RAD51B: variants seen among roughly 807,000 people sequenced by gnomAD.
RAD51B encodes DNA repair protein RAD51 homolog 2.
RAD51B carries 38 observed loss-of-function variants against 42.2 expected under a neutral mutation model. That is an observed-to-expected ratio of 0.90 (90% CI 0.70 to 1.18). The LOEUF is 1.18. Ranked by LOEUF, RAD51B falls within the 50% of genes most tolerant of loss-of-function variation. RAD51B has a pLI of 0.00. For synonymous variants in RAD51B, 154 were observed against 145.2 expected (o/e 1.06, Z -0.43); for missense variants, 373 against 400.7 (o/e 0.93, Z 0.59).
intron 8 of RAD51B, among the ~76,000 whole-genome samples, chr14:68,394,149 A>G (rs1443644035): frequency 6.6e-6 from 1 of 152,142 alleles, no homozygotes; most frequent in East Asian, 1.9e-4. Flanking sequence ...CTCTGATCAA[A>G]GTTAAGTTAA....
intron 10 of RAD51B, among the ~76,000 whole-genome samples, chr14:68,618,096 A>C (rs919869809): frequency 6.6e-6 from 1 of 152,254 alleles, no homozygotes; most frequent in Non-Finnish European, 1.5e-5. Flanking sequence ...CAAGCCATGC[A>C]GGAACAGGTA....
intron 7 of RAD51B, among the ~76,000 whole-genome samples, chr14:68,071,033 T>G (rs2076732343): frequency 3.3e-5 from 5 of 152,140 alleles, no homozygotes; most frequent in Admixed American, 3.3e-4. Context: ...ATTTTGGTTT[T>G]TTTGTGGCTG....
At chr14:67,995,370 C>G (rs372958071) in intron 7 of RAD51B, among the ~76,000 whole-genome samples, 2 of 151,774 alleles carry the variant, frequency 1.3e-5, no homozygotes, top group African/African-American at 4.8e-5. Flanking sequence ...GGCAACAGAG[C>G]GAGACTCCAT....
chr14:68,612,972 GTT>G (rs150664065), downstream of RAD51B, among the ~76,000 whole-genome samples: 2 of 152,132 alleles, frequency 1.3e-5, no homozygotes, highest in African/African-American at 2.4e-5. Context: ...AGAGAGGTGT[GTT>G]TGTGTGTGTG....
chr14:68,079,778 C>T (rs1287837475), intron 7 of RAD51B, among the ~76,000 whole-genome samples: 1 of 152,134 alleles, frequency 6.6e-6, no homozygotes, highest in Non-Finnish European at 1.5e-5. Flanking sequence ...TATTTTAAAA[C>T]TAATTTCATT....
intron 7 of RAD51B, 136 bp downstream of exon 7, chr14:67,887,340 T>A: frequency 1.6e-6 from 1 of 636,964 alleles, no homozygotes; most frequent in East Asian, 2.9e-5. Flanking sequence ...TAGTACAGTC[T>A]AATTGCTATA....
chr14:67,851,609 C>A (rs998714570), intron 4 of RAD51B, among the ~76,000 whole-genome samples: 3 of 152,010 alleles, frequency 2.0e-5, no homozygotes, highest in African/African-American at 2.4e-5. Context: ...GGGGTGGCCA[C>A]GGCAGAGGAC....
chr14:68,090,545 G>A (rs2077074206), intron 7 of RAD51B, among the ~76,000 whole-genome samples: 1 of 152,016 alleles, frequency 6.6e-6, no homozygotes, highest in African/African-American at 2.4e-5. Flanking sequence ...GTAAAATAAT[G>A]TACAGGTGCA....
intron 10 of RAD51B, among the ~76,000 whole-genome samples, chr14:68,542,449 A>G (rs2525526): frequency 0.2 from 30,620 of 152,132 alleles, 3,716 homozygotes; most frequent in South Asian, 0.32. Context: ...TGTGTGTGTT[A>G]GATTAAATTT....
At position 67,867,898 on chromosome 14, in the gene RAD51B, T is replaced by G. The variant is rs560892197; in HGVS notation, c.452+2759T>G. On this transcript the variant is annotated intron_variant, in intron 5 of 10. Coordinates refer to ENST00000471583, the MANE Select transcript of RAD51B (RefSeq NM_133510.4). Reference sequence around the variant, plus strand: ...TAACCAGCACAAATGAGAAAGTGTTTAAAGGATTAATATGATGAAGGATTA... The same window carrying G: ...TAACCAGCACAAATGAGAAAGTGTTGAAAGGATTAATATGATGAAGGATTA... Among the ~76,000 whole-genome samples the G allele has an allele frequency of 2.6e-5, 4 of 152,340 alleles. No homozygotes were observed. In the South Asian group the frequency reaches 8.3e-4, roughly 32 times the overall value.
intron 7 of RAD51B, among the ~76,000 whole-genome samples, chr14:68,076,067 C>T (rs1283755999): frequency 2.6e-5 from 4 of 152,220 alleles, no homozygotes; most frequent in Non-Finnish European, 5.9e-5. Flanking sequence ...AAAATCATTT[C>T]ATGGGGAAAT....
rs1328639713 is a variant in RAD51B, at chr14:68,396,863, C to T, written c.854-14561C>T. ...AGGGGGTAGTTTCCATGCATTTTCCCTCCTAGAAAGGGAGATTAATGGCCA... is the reference window on the plus strand; with the variant it reads ...AGGGGGTAGTTTCCATGCATTTTCCTTCCTAGAAAGGGAGATTAATGGCCA... On this transcript the variant is annotated intron_variant, in intron 8 of 10. Transcript: ENST00000471583. Among the ~76,000 whole-genome samples the T allele has an allele frequency of 3.9e-5, 6 of 152,128 alleles. No homozygotes were observed. The East Asian group carries it at 9.6e-4, about 24-fold the overall frequency.
chr14:68,513,745 T>C (rs1034010055), intron 10 of RAD51B, among the ~76,000 whole-genome samples: 2 of 152,226 alleles, frequency 1.3e-5, no homozygotes, highest in Non-Finnish European at 2.9e-5. Context: ...CGCTGGCTTT[T>C]GGAAAAGCTA....
At position 68,450,592 on chromosome 14, in the gene RAD51B, G is replaced by A. The variant is rs540306378; in HGVS notation, c.958-17580G>A. On this transcript the variant is annotated intron_variant, in intron 9 of 10. Coordinates refer to ENST00000471583, the MANE Select transcript of RAD51B (RefSeq NM_133510.4). The stretch of plus-strand genomic sequence containing the variant: ...TCTGAAGGGCCCTCGGGGAGAGACG[G>A]AGCTTAGATACCACACTCTGTTCTG... Among the ~76,000 whole-genome samples the A allele has an allele frequency of 3.9e-5, 6 of 152,186 alleles. 1 individual carries two copies. The South Asian group carries it at 1.2e-3, about 32-fold the overall frequency.
intron 10 of RAD51B, among the ~76,000 whole-genome samples, chr14:68,468,754 A>G (rs918438139): frequency 1.3e-5 from 2 of 152,162 alleles, no homozygotes; most frequent in Non-Finnish European, 2.9e-5. Context: ...CTGTCCTGAC[A>G]TGGTCTTCCT....
intron 8 of RAD51B, among the ~76,000 whole-genome samples, chr14:68,359,289 C>T (rs1244349129): frequency 6.6e-6 from 1 of 152,148 alleles, no homozygotes; most frequent in African/African-American, 2.4e-5. Flanking sequence ...GCTTTAATCC[C>T]TTCCATCCGC....
intron 7 of RAD51B, among the ~76,000 whole-genome samples, chr14:68,093,073 T>C (rs1056299509): frequency 2.0e-5 from 3 of 149,716 alleles, no homozygotes; most frequent in African/African-American, 4.9e-5. Context: ...GTGGATAAGC[T>C]TTTTGATGTG....
At chr14:68,090,154 G>A (rs1346416113) in intron 7 of RAD51B, among the ~76,000 whole-genome samples, 1 of 152,178 alleles carries the variant, frequency 6.6e-6, no homozygotes, top group East Asian at 1.9e-4. Flanking sequence ...CATGAACATA[G>A]AGTCCATCAG....
chr14:67,873,198 AG>A (rs1287760283), intron 5 of RAD51B, among the ~76,000 whole-genome samples: 2 of 152,232 alleles, frequency 1.3e-5, no homozygotes, highest in Non-Finnish European at 2.9e-5. Context: ...CGTCTGACAA[AG>A]GGCTAATATC....
Sources: gnomAD v4.1 joint callset for allele counts (sites outside exome capture counted in the v4.1 genomes callset) on GRCh38, gnomAD v4.1.1 for gene constraint, MANE v1.5 for transcripts, NCBI Gene and HGNC (gene_info 2026-07-23, HGNC 2026-07-21) for gene names.